The following ERC1 variants were observed in gnomAD, a reference collection of about 807,000 sequenced individuals.
ERC1 encodes ELKS/RAB6-interacting/CAST family member 1, also known as RAB6 interacting protein 2.
Under a neutral mutation model 132.0 loss-of-function variants are expected in ERC1, and 56 were observed. That is an observed-to-expected ratio of 0.42 (90% confidence interval 0.34 to 0.53). ERC1 has a LOEUF of 0.53. ERC1 is among the 20% of genes least tolerant of loss of function. The pLI, the probability that ERC1 is intolerant of heterozygous loss-of-function variation, is 0.03. For missense variants in ERC1, 1,202 were observed against 1,349.9 expected, an observed-to-expected ratio of 0.89 and a Z score of 1.72; for synonymous variants, 478 against 476.1, an observed-to-expected ratio of 1.00 and a Z score of -0.05.
chr12:1,421,238 C>T (rs905712057), intron 17 of ERC1, among the ~76,000 whole-genome samples: 2 of 152,174 alleles, frequency 1.3e-5, no homozygotes, highest in Admixed American at 6.5e-5. Context: ...TGCTTTTACT[C>T]GCTCAGCGGA....
At chr12:1,233,714 T>A (rs1450851756) in intron 12 of ERC1, among the ~76,000 whole-genome samples, 1 of 152,048 alleles carries the variant, frequency 6.6e-6, no homozygotes, top group Non-Finnish European at 1.5e-5. Flanking sequence ...ATGTGAGTCG[T>A]TGTATGGAAT....
chr12:1,119,929 T>G (rs1946892357), intron 7 of ERC1, among the ~76,000 whole-genome samples: 1 of 152,182 alleles, frequency 6.6e-6, no homozygotes, highest in African/African-American at 2.4e-5. Context: ...TCCTAAGGTT[T>G]TTATGACTAG....
At chr12:1,486,690 G>A in intron 18 of ERC1, among the ~76,000 whole-genome samples, 1 of 152,152 alleles carries the variant, frequency 6.6e-6, no homozygotes, top group Non-Finnish European at 1.5e-5. Flanking sequence ...CTCCCAAAGT[G>A]CTGGGTTTAC....
At chr12:1,460,958 C>CTTTTTTTTTTTT (rs35505633) in intron 18 of ERC1, among the ~76,000 whole-genome samples, 42 of 64,954 alleles carry the variant, frequency 6.5e-4, no homozygotes, top group Admixed American at 8.7e-4. Context: ...TGAGGAGGCC[C>CTTTTTTTTTTTT]TTTTTTTTTT....
At chr12:1,456,125 A>G (rs1381312822) in intron 18 of ERC1, among the ~76,000 whole-genome samples, 1 of 152,200 alleles carries the variant, frequency 6.6e-6, no homozygotes, top group South Asian at 2.1e-4. Flanking sequence ...CAACTTTGCA[A>G]TTTGTCACCA....
intron 15 of ERC1, among the ~76,000 whole-genome samples, chr12:1,327,845 T>TC: frequency 6.6e-6 from 1 of 152,158 alleles, no homozygotes. Flanking sequence ...CTCATCATTT[T>TC]TTTTTTTTAC....
chr12:1,008,196 C>A (rs367733595), intron 1 of ERC1, among the ~76,000 whole-genome samples: 1 of 152,130 alleles, frequency 6.6e-6, no homozygotes, highest in Non-Finnish European at 1.5e-5. Flanking sequence ...TTCTTTTGGA[C>A]GGCACTGAGC....
intron 15 of ERC1, among the ~76,000 whole-genome samples, chr12:1,338,174 A>G (rs1023600411): frequency 6.6e-6 from 1 of 152,196 alleles, no homozygotes; most frequent in African/African-American, 2.4e-5. Flanking sequence ...GATACCAGTC[A>G]TTCATAGATT....
intron 16 of ERC1, among the ~76,000 whole-genome samples, chr12:1,397,025 A>G (rs2090601848): frequency 6.6e-6 from 1 of 152,210 alleles, no homozygotes. Flanking sequence ...CTAAAAATTT[A>G]TGTCACTACT....
At chr12:1,313,175 C>G (rs936583341) in intron 15 of ERC1, among the ~76,000 whole-genome samples, 2 of 151,948 alleles carry the variant, frequency 1.3e-5, no homozygotes, top group African/African-American at 4.8e-5. Context: ...CATACAGAAG[C>G]CTTTCCTACA....
At chr12:1,102,131 A>AT (rs1451357632) in intron 3 of ERC1, among the ~76,000 whole-genome samples, 13 of 151,166 alleles carry the variant, frequency 8.6e-5, no homozygotes, top group Admixed American at 2.0e-4. Flanking sequence ...CTTTAACTTA[A>AT]ATTTTTTTTT....
chr12:1,155,965 G>A (rs1170843672), intron 8 of ERC1, among the ~76,000 whole-genome samples: 6 of 151,640 alleles, frequency 4.0e-5, no homozygotes, highest in African/African-American at 1.5e-4. Context: ...AGTTCTTTAG[G>A]GTTATTAACT....
chr12:1,371,891 C>T lies in ERC1; in HGVS notation c.2839C>T (p.Leu947Phe). The T allele has an allele frequency of 7.4e-6, 12 of 1,614,080 alleles. No homozygotes were observed. The highest frequency in any genetic ancestry group is 1.0e-5 in the Non-Finnish European group (12 of 1,180,010). ...EKDANIALLELSSSKKKTQEE... is the reference protein window; with the variant it reads ...EKDANIALLEFSSSKKKTQEE... ...AGACGCCAATATAGCTCTCTTGGAGCTTTCGTCCTCTAAGAAGAAGACCCA... is the reference window on the plus strand; with the variant it reads ...AGACGCCAATATAGCTCTCTTGGAGTTTTCGTCCTCTAAGAAGAAGACCCA... The change falls in exon 16 of 19, where the codon CTT becomes TTT. Residue 947 changes from leucine (L) to phenylalanine (F), a missense_variant. By Grantham distance (22) the Leu-to-Phe change is conservative. Transcript: ENST00000360905.
chr12:1,137,969 T>C (rs117749616), intron 7 of ERC1, among the ~76,000 whole-genome samples: 6,716 of 130,302 alleles, frequency 0.052, 247 homozygotes, highest in Middle Eastern at 0.1. Context: ...AGATATAATA[T>C]TATCATATAT....
chr12:1,082,484 A>ATTT (rs143154890), intron 2 of ERC1, among the ~76,000 whole-genome samples: 1 of 113,682 alleles, frequency 8.8e-6, no homozygotes, highest in Non-Finnish European at 1.7e-5. Flanking sequence ...AAAAAAAAAA[A>ATTT]TTTTTTTTTT....
At chr12:1,110,054 A>G (rs537843390) in intron 4 of ERC1, 138 bp from the exon 5 acceptor site, 1 of 694,380 alleles carries the variant, frequency 1.4e-6, no homozygotes, top group South Asian at 2.3e-5. Context: ...AAAAGGAAGC[A>G]AGGCACCAAT....
Position 1,217,206 on chromosome 12 carries a change from T to C in ERC1, c.2352-19563T>C, listed in dbSNP as rs1412296147. 2.0e-5 allele frequency among the ~76,000 whole-genome samples: 3 copies of C among 152,208 alleles called. No individual in the cohort carries two copies. The East Asian group carries it at 5.8e-4, about 29-fold the overall frequency. ...TGTCATAGATCCAAAAAGCCAAGCC[T>C]GCGTTTTAAGGCAGGGTTTTCTTTG... On this transcript the variant is annotated intron_variant, in intron 12 of 18. Coordinates refer to ENST00000360905, the MANE Select transcript of ERC1 (RefSeq NM_178040.4).
intron 15 of ERC1, among the ~76,000 whole-genome samples, chr12:1,293,944 T>C (rs907290307): frequency 1.3e-5 from 2 of 152,222 alleles, no homozygotes; most frequent in African/African-American, 4.8e-5. Context: ...GGTTGAATGT[T>C]ATGTAGGAAA....
Position 1,495,916 on chromosome 12 carries a change from A to G in ERC1, c.*5686A>G, listed in dbSNP as rs1453219501. 5.5e-6 allele frequency: 1 copy of G among 181,794 alleles called. No homozygotes were observed. The highest frequency in any genetic ancestry group is 1.2e-5 in the Non-Finnish European group (1 of 85,326). 11.3% of individuals were successfully genotyped at this position (181,794 alleles called of 1,614,324 possible). A position where few individuals can be genotyped will look rare whatever the true frequency, so the allele number is the denominator to read the frequency against. ...AAACTAAATCCACCAGGAAATTATA[A>G]AGTTATTTAAAAACCGTGCTGTGTC... On this transcript the variant is annotated 3_prime_UTR_variant, in exon 19 of 19. Transcript: ENST00000360905.
Sources: allele counts gnomAD v4.1 joint callset (sites outside exome capture counted in the v4.1 genomes callset), GRCh38; gene constraint gnomAD v4.1.1; transcripts MANE v1.5; gene names NCBI Gene and HGNC (gene_info 2026-07-23, HGNC 2026-07-21).